Variants in PDZRN4 observed in about 807,000 individuals in gnomAD.
PDZRN4 encodes PDZ domain containing ring finger 4.
A neutral mutation model predicts 99.0 loss-of-function variants in PDZRN4; 70 were observed. That is an observed-to-expected ratio of 0.71 (90% CI 0.58 to 0.86). The LOEUF (loss-of-function observed/expected upper bound fraction) is 0.86, where lower values mean the gene tolerates loss of function less well. PDZRN4 is among the 40% of genes least tolerant of loss of function. PDZRN4 has a pLI of 0.00. For synonymous variants in PDZRN4, 551 were observed against 501.6 expected, an observed-to-expected ratio of 1.10 and a Z score of -1.32; for missense variants, 1,474 against 1,331.2, an observed-to-expected ratio of 1.11 and a Z score of -1.67.
At chr12:41,357,160 C>A (rs2121051086) in intron 3 of PDZRN4, among the ~76,000 whole-genome samples, 1 of 151,890 alleles carries the variant, frequency 6.6e-6, no homozygotes, top group East Asian at 1.9e-4. Context: ...CTCTCTCTGC[C>A]TCTGTCTCTT....
chr12:41,365,733 T>A (rs1951995207), intron 3 of PDZRN4, among the ~76,000 whole-genome samples: 1 of 152,064 alleles, frequency 6.6e-6, no homozygotes, highest in Non-Finnish European at 1.5e-5. Context: ...AACTTTTACA[T>A]CCTTCAGATA....
At chr12:41,473,772 G>A (rs1953015728) in intron 3 of PDZRN4, among the ~76,000 whole-genome samples, 1 of 152,168 alleles carries the variant, frequency 6.6e-6, no homozygotes, top group Admixed American at 6.6e-5. Flanking sequence ...CAGTGGAGCT[G>A]TCCCCAGTGC....
intron 3 of PDZRN4, among the ~76,000 whole-genome samples, chr12:41,386,823 C>T (rs538548397): frequency 5.9e-5 from 9 of 152,220 alleles, no homozygotes; most frequent in Admixed American, 5.9e-4. Context: ...TAAGACTGCA[C>T]ACCTACAACT....
chr12:41,440,379 C>T (rs1393586378), intron 3 of PDZRN4, among the ~76,000 whole-genome samples: 1 of 152,052 alleles, frequency 6.6e-6, no homozygotes, highest in African/African-American at 2.4e-5. Flanking sequence ...ATAATAGAAT[C>T]ATTATGATAT....
chr12:41,517,072 CA>C (rs1253547655), intron 5 of PDZRN4, among the ~76,000 whole-genome samples: 1 of 151,974 alleles, frequency 6.6e-6, no homozygotes, highest in Admixed American at 6.6e-5. Context: ...CTGAACGAAA[CA>C]AGATTAGTAT....
At chr12:41,391,283 C>T (rs1037241211) in intron 3 of PDZRN4, among the ~76,000 whole-genome samples, 2 of 152,136 alleles carry the variant, frequency 1.3e-5, no homozygotes, top group African/African-American at 4.8e-5. Flanking sequence ...ATACAAATCA[C>T]CCCAGAGAGC....
At chr12:41,359,497 G>T (rs1951950346) in intron 3 of PDZRN4, among the ~76,000 whole-genome samples, 1 of 151,878 alleles carries the variant, frequency 6.6e-6, no homozygotes. Flanking sequence ...ATCTCATCTT[G>T]AATTGTAACT....
intron 3 of PDZRN4, among the ~76,000 whole-genome samples, chr12:41,413,744 C>T (rs554364501): frequency 6.6e-6 from 1 of 152,066 alleles, no homozygotes; most frequent in East Asian, 1.9e-4. Context: ...CAGCAGATAG[C>T]TATGTCTTGT....
intron 3 of PDZRN4, among the ~76,000 whole-genome samples, chr12:41,272,588 C>T (rs1951321972): frequency 6.6e-6 from 1 of 151,940 alleles, no homozygotes; most frequent in African/African-American, 2.4e-5. Flanking sequence ...TCTAACTTCT[C>T]AGGAGGCAAA....
At chr12:41,216,371 G>T (rs1324363592) in intron 3 of PDZRN4, among the ~76,000 whole-genome samples, 1 of 151,904 alleles carries the variant, frequency 6.6e-6, no homozygotes, top group Non-Finnish European at 1.5e-5. Flanking sequence ...AAGGGAAGAA[G>T]AATAAAATTA....
chr12:41,317,922 G>A (rs760846572), intron 3 of PDZRN4, among the ~76,000 whole-genome samples: 6 of 152,014 alleles, frequency 3.9e-5, no homozygotes, highest in African/African-American at 7.2e-5. Flanking sequence ...CAGGTGGTAC[G>A]AAATGTTCAG....
chr12:41,373,052 C>G (rs546106627), intron 3 of PDZRN4, among the ~76,000 whole-genome samples: 1 of 151,980 alleles, frequency 6.6e-6, no homozygotes, highest in Non-Finnish European at 1.5e-5. Flanking sequence ...GTGATGCCCC[C>G]CAAGCTGCAA....
At chr12:41,437,884 T>C (rs371051404) in intron 3 of PDZRN4, 64 of 1,613,516 alleles carry the variant, frequency 4.0e-5, no homozygotes, top group Non-Finnish European at 5.3e-5. Flanking sequence ...TCCCTTTCAG[T>C]TCACTTGCCT....
rs142779566 is a variant in PDZRN4 at position 41,456,067 on chromosome 12, A to G, written c.844-50389A>G. On this transcript the variant is annotated intron_variant, in intron 3 of 9. Transcript: ENST00000402685. ...AACCTTCTGGATTTATTAAGCCCAC[A>G]TTTTCTCTCAACCTCTGATCTCTCT... Among the ~76,000 whole-genome samples, 342 of 152,148 alleles carry G rather than the reference A, an allele frequency of 2.2e-3. 1 individual carries two copies. Among genetic ancestry groups the G allele is most frequent in the African/African-American group, 7.7e-3 (319 of 41,520 alleles).
chr12:41,379,461 C>T (rs1249450888), intron 3 of PDZRN4, among the ~76,000 whole-genome samples: 1 of 150,958 alleles, frequency 6.6e-6, no homozygotes, highest in Non-Finnish European at 1.5e-5. Flanking sequence ...AATTAGATTG[C>T]TTATTTTAGA....
intron 4 of PDZRN4, among the ~76,000 whole-genome samples, chr12:41,508,486 A>T (rs1326871766): frequency 6.6e-6 from 1 of 152,190 alleles, no homozygotes; most frequent in African/African-American, 2.4e-5. Context: ...TTGGCCTTGC[A>T]TCTGGCAGCC....
chr12:41,540,622 T>C (rs1357166869), intron 5 of PDZRN4, among the ~76,000 whole-genome samples: 1 of 152,200 alleles, frequency 6.6e-6, no homozygotes, highest in Non-Finnish European at 1.5e-5. Flanking sequence ...GCATGATAAA[T>C]GGAATATCAT....
At chr12:41,324,697 G>C (rs969440527) in intron 3 of PDZRN4, among the ~76,000 whole-genome samples, 1 of 152,056 alleles carries the variant, frequency 6.6e-6, no homozygotes, top group African/African-American at 2.4e-5. Context: ...TTCTAGATCT[G>C]TGTGCTTTCC....
chr12:41,227,658 C>G (rs1333564281), intron 3 of PDZRN4, among the ~76,000 whole-genome samples: 1 of 151,794 alleles, frequency 6.6e-6, no homozygotes, highest in East Asian at 1.9e-4. Flanking sequence ...GAGCCAGACC[C>G]TCTCTCAACA....
Sources: allele counts gnomAD v4.1 joint callset (sites outside exome capture counted in the v4.1 genomes callset), GRCh38; gene constraint gnomAD v4.1.1; transcripts MANE v1.5; gene names NCBI Gene and HGNC (gene_info 2026-07-23, HGNC 2026-07-21).